KCNQ1: variants seen among roughly 807,000 people sequenced by gnomAD.
KCNQ1 encodes potassium voltage-gated channel subfamily KQT member 1.
In KCNQ1, 49 loss-of-function variants were observed where a neutral mutation model predicts 72.4. The ratio of observed to expected loss-of-function variants is 0.68; its 90% confidence interval spans 0.54 to 0.86. KCNQ1 has a LOEUF of 0.86. Among genes scored for constraint, KCNQ1 ranks in the 40% least tolerant of loss-of-function variants. The pLI, the probability that KCNQ1 is intolerant of heterozygous loss-of-function variation, is 0.00. For missense variants in KCNQ1, 790 were observed against 945.1 expected, an observed-to-expected ratio of 0.84 and a Z score of 2.15; for synonymous variants, 450 against 412.6, an observed-to-expected ratio of 1.09 and a Z score of -1.10.
chr11:2,848,015 G>T lies in KCNQ1; in HGVS notation c.*12G>T. The T allele has an allele frequency of 6.5e-7, 1 of 1,537,358 alleles. No homozygotes were observed. On this transcript the variant is annotated 3_prime_UTR_variant, in exon 16 of 16. Coordinates refer to ENST00000155840, the MANE Select transcript of KCNQ1 (RefSeq NM_000218.3). ...ATGAGGGGTCCTGAGGAGGGGATGG[G>T]GCTGGGGGATGGGCCTGAGTGAGAG... is the stretch of plus-strand genomic sequence containing the variant.
chr11:2,467,121 G>C (rs546562511), intron 1 of KCNQ1, among the ~76,000 whole-genome samples: 3 of 152,088 alleles, frequency 2.0e-5, no homozygotes, highest in African/African-American at 7.2e-5. Context: ...TGGAGAGCCG[G>C]GCAGGGTTGG....
intron 11 of KCNQ1, chr11:2,675,921 A>G (rs959044598): frequency 1.0e-5 from 4 of 398,032 alleles, no homozygotes; most frequent in African/African-American, 2.1e-5. Context: ...AAATCATACA[A>G]CAGTCTTTAC....
chr11:2,765,843 A>C (rs1476545005), intron 11 of KCNQ1, among the ~76,000 whole-genome samples: 1 of 152,160 alleles, frequency 6.6e-6, no homozygotes, highest in Admixed American at 6.5e-5. Context: ...TATATTTTAA[A>C]GTGGATTTAT....
chr11:2,445,586 C>T lies in KCNQ1; in HGVS notation c.386+102C>T, dbSNP rs1036445827. On this transcript the variant is annotated intron_variant, in intron 1 of 15. Transcript: ENST00000155840. ...CACCTGCCCCGTCGGAGCTGCGACC[C>T]CGGAGCAGAGGAGGGAAGGAAGTGG... 6 of 1,359,756 alleles carry T rather than the reference C, an allele frequency of 4.4e-6. No individual in the cohort carries two copies. In the East Asian group the frequency reaches 7.3e-5, roughly 17 times the overall value. The allele number at this position is 1,359,756 out of a possible 1,614,324, so 84.2% of individuals were successfully genotyped here. A position where few individuals can be genotyped will look rare whatever the true frequency, so the allele number is the denominator to read the frequency against.
intron 10 of KCNQ1, chr11:2,632,535 G>C: frequency 2.5e-6 from 1 of 398,128 alleles, no homozygotes; most frequent in Admixed American, 4.4e-5. Context: ...TTTATTTTTA[G>C]TCAACATGTA....
Position 2,695,076 on chromosome 11 carries a change from C to T in KCNQ1, c.1514+32995C>T, listed in dbSNP as rs1850651750. On this transcript the variant is annotated intron_variant, in intron 11 of 15. Transcript: ENST00000155840. This position sits in a 1 kb window ranked among gnomAD's most constrained non-coding sequence, Gnocchi z 5.2. ...ACCTGATGGAATTTGAATTTTATTTCCTAGAAATAGAAGCCACTAGAGGGT... is the reference window on the plus strand; with the variant it reads ...ACCTGATGGAATTTGAATTTTATTTTCTAGAAATAGAAGCCACTAGAGGGT... 2 of 398,508 alleles carry T rather than the reference C, an allele frequency of 5.0e-6. No homozygotes were observed. The highest frequency in any genetic ancestry group is 4.1e-5 in the African/African-American group (2 of 48,616). 24.7% of individuals were successfully genotyped at this position (398,508 alleles called of 1,614,324 possible). A position where few individuals can be genotyped will look rare whatever the true frequency, so the allele number is the denominator to read the frequency against.
chr11:2,504,801 A>G (rs913292502), intron 1 of KCNQ1, among the ~76,000 whole-genome samples: 1 of 152,176 alleles, frequency 6.6e-6, no homozygotes, highest in African/African-American at 2.4e-5. Context: ...TTGTAAGACA[A>G]GGGGTAAATG....
rs573559727 is a variant in KCNQ1 at position 2,473,597 on chromosome 11, AG to A, written c.386+28114del. On this transcript the variant is annotated intron_variant, in intron 1 of 15. Coordinates refer to ENST00000155840, the MANE Select transcript of KCNQ1 (RefSeq NM_000218.3). The surrounding 1 kb of genome is among the most constrained non-coding windows in gnomAD (Gnocchi z 6.0). ...CTCAGCCGTGTCATGTGGCTTGTAGAGCGAGGGTGTGCGGCCGGCATCATCC... is the reference window on the plus strand; with the variant it reads ...CTCAGCCGTGTCATGTGGCTTGTAGACGAGGGTGTGCGGCCGGCATCATCC... Among the ~76,000 whole-genome samples, 75 of 152,288 alleles carry A rather than the reference AG, an allele frequency of 4.9e-4. 1 individual carries two copies. In the South Asian group the frequency reaches 0.015, roughly 30 times the overall value.
In KCNQ1 at chr11:2,826,524, C is replaced by T. The variant is rs534101158; in HGVS notation, c.1795-21243C>T. On this transcript the variant is annotated intron_variant, in intron 15 of 15. Transcript: ENST00000155840. The surrounding 1 kb of genome is among the most constrained non-coding windows in gnomAD (Gnocchi z 4.2). ...AGGCCGGTGTGGGAGCACTTTCCCCCGCCCCCTCCTGCTGCTGCTTCCCCG... is the reference window on the plus strand; with the variant it reads ...AGGCCGGTGTGGGAGCACTTTCCCCTGCCCCCTCCTGCTGCTGCTTCCCCG... Among the ~76,000 whole-genome samples the T allele has an allele frequency of 2.0e-4, 30 of 152,350 alleles. No homozygotes were observed. Among genetic ancestry groups the T allele is most frequent in the East Asian group, 5.8e-4 (3 of 5,174 alleles).
At position 2,588,712 on chromosome 11, in the gene KCNQ1, G is replaced by C. The variant is rs1848628661; in HGVS notation, c.1252-1G>C. Reference sequence around the variant, plus strand: ...CTAATCTGTTGTCTTGTTTTTTTTAGGTAAAGAAAAAAAAGTTCAAGCTGG... The same window carrying C: ...CTAATCTGTTGTCTTGTTTTTTTTACGTAAAGAAAAAAAAGTTCAAGCTGG... On this transcript the variant is annotated splice_acceptor_variant, in intron 9 of 15. Transcript: ENST00000155840. LOFTEE classifies it high-confidence loss of function. The surrounding 1 kb of genome is among the most constrained non-coding windows in gnomAD (Gnocchi z 5.6). 6.2e-7 allele frequency: 1 copy of C among 1,613,176 alleles called. No individual in the cohort carries two copies.
At chr11:2,452,431 G>C (rs1846130293) in intron 1 of KCNQ1, among the ~76,000 whole-genome samples, 1 of 152,162 alleles carries the variant, frequency 6.6e-6, no homozygotes, top group African/African-American at 2.4e-5. Flanking sequence ...ACGCAGAGCA[G>C]CCCGGGCAGC....
At position 2,678,376 on chromosome 11, in the gene KCNQ1, A is replaced by T. The variant is rs181011332; in HGVS notation, c.1514+16295A>T. On this transcript the variant is annotated intron_variant, in intron 11 of 15. Coordinates refer to ENST00000155840, the MANE Select transcript of KCNQ1 (RefSeq NM_000218.3). This position sits in a 1 kb window ranked among gnomAD's most constrained non-coding sequence, Gnocchi z 4.9. ...GGATTTTGACAGAGTAATTAAATCC[A>T]ATTTGGTTTCCCATATATTTGTCCA... 147 of 398,598 alleles carry T rather than the reference A, an allele frequency of 3.7e-4. No homozygotes were observed. The highest frequency in any genetic ancestry group is 2.9e-3 in the African/African-American group (141 of 48,750). The allele number at this position is 398,598 out of a possible 1,614,324, so 24.7% of individuals were successfully genotyped here.
chr11:2,585,027 G>A (rs1348202147), intron 7 of KCNQ1, among the ~76,000 whole-genome samples, 185 bp from the exon 8 acceptor site: 2 of 152,210 alleles, frequency 1.3e-5, no homozygotes, highest in African/African-American at 4.8e-5. Flanking sequence ...AAGACCTGGG[G>A]TATAAGTTCT....
Position 2,585,312 on chromosome 11 carries a change from G to T in KCNQ1, c.1128+5G>T, listed in dbSNP as rs76735093. On this transcript the variant is annotated splice_donor_5th_base_variant and intron_variant, in intron 8 of 15. Coordinates refer to ENST00000155840, the MANE Select transcript of KCNQ1 (RefSeq NM_000218.3). ...GCGGCAGCCTCACTCATTCAGGTGC[G>T]GTGCCTGCAAGGCCCTGGTCACTGT... 6.2e-7 allele frequency: 1 copy of T among 1,612,548 alleles called. No individual in the cohort carries two copies. Among genetic ancestry groups the T allele is most frequent in the African/African-American group, 1.3e-5 (1 of 75,062 alleles).
intron 1 of KCNQ1, among the ~76,000 whole-genome samples, chr11:2,512,139 A>C (rs979282799): frequency 6.6e-6 from 1 of 152,188 alleles, no homozygotes; most frequent in African/African-American, 2.4e-5. Flanking sequence ...ATACACACTC[A>C]GTCGAACAAG....
At chr11:2,733,918 C>T (rs1011198906) in intron 11 of KCNQ1, among the ~76,000 whole-genome samples, 3 of 151,136 alleles carry the variant, frequency 2.0e-5, no homozygotes, top group Admixed American at 1.3e-4. Context: ...GCACCACCCC[C>T]GAAACATGCA....
intron 15 of KCNQ1, among the ~76,000 whole-genome samples, chr11:2,839,036 G>C (rs566521804): frequency 1.6e-4 from 18 of 112,044 alleles, no homozygotes; most frequent in African/African-American, 4.8e-4. Flanking sequence ...AGGTGGGCAG[G>C]TGGGCAGCTG....
Position 2,477,341 on chromosome 11 carries a change from C to G in KCNQ1, c.386+31857C>G, listed in dbSNP as rs1378223150. On this transcript the variant is annotated intron_variant, in intron 1 of 15. Coordinates refer to ENST00000155840, the MANE Select transcript of KCNQ1 (RefSeq NM_000218.3). This position sits in a 1 kb window ranked among gnomAD's most constrained non-coding sequence, Gnocchi z 5.0. ...TAGGAAATGCTCTTTACAAAGTCAT[C>G]AAAAAGTTTTTTCTGGAAAAGCCTC... Among the ~76,000 whole-genome samples the G allele has an allele frequency of 6.6e-6, 1 of 152,154 alleles. No homozygotes were observed. Among genetic ancestry groups the G allele is most frequent in the East Asian group, 1.9e-4 (1 of 5,198 alleles).
chr11:2,453,333 G>A (rs186162900), intron 1 of KCNQ1, among the ~76,000 whole-genome samples: 353 of 152,114 alleles, frequency 2.3e-3, no homozygotes, highest in Non-Finnish European at 3.8e-3. Flanking sequence ...AGATCACGCC[G>A]TTGCACTCCA....
Sources: gnomAD v4.1 joint callset for allele counts (sites outside exome capture counted in the v4.1 genomes callset) on GRCh38, gnomAD v4.1.1 for gene constraint, Gnocchi (gnomAD v3.1) non-coding constraint, MANE v1.5 for transcripts, NCBI Gene and HGNC (gene_info 2026-07-23, HGNC 2026-07-21) for gene names.